The following LINGO2 variants were observed in gnomAD, a reference collection of about 807,000 sequenced individuals.
The protein encoded by LINGO2 is leucine-rich repeat and immunoglobulin-like domain-containing nogo receptor-interacting protein 2.
In LINGO2, 14 loss-of-function variants were observed where a neutral mutation model predicts 30.6. The ratio of observed to expected loss-of-function variants is 0.46; its 90% CI spans 0.30 to 0.72. LINGO2 has a LOEUF of 0.72. Among genes scored for constraint, LINGO2 ranks in the 30% least tolerant of loss-of-function variants. The pLI is 0.07. For synonymous variants in LINGO2, 317 were observed against 288.5 expected (o/e 1.10, Z -1.00); for missense variants, 729 against 751.7 (o/e 0.97, Z 0.35).
the LINGO2 span, among the ~76,000 whole-genome samples, chr9:28,807,756 G>A: frequency 3.1e-4 from 47 of 152,234 alleles, no homozygotes; most frequent in South Asian, 3.7e-3. Context: ...TAATCATTGT[G>A]TAAAATGATA....
intron 4 of LINGO2, among the ~76,000 whole-genome samples, chr9:28,167,484 G>A (rs537386646): frequency 6.6e-6 from 1 of 152,162 alleles, no homozygotes; most frequent in Non-Finnish European, 1.5e-5. Context: ...GGATTCAAGC[G>A]ATTCTCATGC....
At chr9:28,037,135 C>A (rs751014987) in intron 4 of LINGO2, among the ~76,000 whole-genome samples, 5 of 152,160 alleles carry the variant, frequency 3.3e-5, no homozygotes, top group African/African-American at 1.2e-4. Context: ...AGTAGGAAAA[C>A]GGAAGTATGG....
At chr9:28,238,770 G>C (rs913542474) in intron 4 of LINGO2, among the ~76,000 whole-genome samples, 1 of 151,686 alleles carries the variant, frequency 6.6e-6, no homozygotes, top group Non-Finnish European at 1.5e-5. Flanking sequence ...TCCAAAATTA[G>C]TAGAAGAAAT....
At chr9:28,643,369 A>T (rs1208796222) in intron 1 of LINGO2, among the ~76,000 whole-genome samples, 1 of 151,952 alleles carries the variant, frequency 6.6e-6, no homozygotes, top group Non-Finnish European at 1.5e-5. Flanking sequence ...AGAATAGAAG[A>T]CCCCAGAAAC....
At chr9:28,070,845 T>G (rs955248497) in intron 4 of LINGO2, among the ~76,000 whole-genome samples, 3 of 152,162 alleles carry the variant, frequency 2.0e-5, no homozygotes, top group African/African-American at 7.2e-5. Context: ...CCCAAGTAGC[T>G]GGGACTACAG....
the LINGO2 span, among the ~76,000 whole-genome samples, chr9:28,747,246 T>G: frequency 6.6e-6 from 1 of 151,488 alleles, no homozygotes; most frequent in East Asian, 1.9e-4. Context: ...CTGAGAGGAG[T>G]TTGGCTGGGG....
At chr9:28,550,820 C>G (rs549823798) in intron 1 of LINGO2, among the ~76,000 whole-genome samples, 1 of 151,830 alleles carries the variant, frequency 6.6e-6, no homozygotes, top group Non-Finnish European at 1.5e-5. Flanking sequence ...TTAAGAAATA[C>G]ATATAGCATG....
At chr9:28,506,503 G>GATAGAT (rs1380029523) in intron 1 of LINGO2, among the ~76,000 whole-genome samples, 41,266 of 82,806 alleles carry the variant, frequency 0.5, 13,231 homozygotes, top group South Asian at 0.65. Context: ...CACACACACA[G>GATAGAT]ACATATATAT....
the LINGO2 span, among the ~76,000 whole-genome samples, chr9:28,958,703 A>G: frequency 6.6e-6 from 1 of 151,906 alleles, no homozygotes; most frequent in Admixed American, 6.6e-5. Flanking sequence ...AAGAAAGGAG[A>G]GAAGAGGAGA....
rs531407801 is a variant in LINGO2, at chr9:28,028,229, G to A, written c.-86-15824C>T. Among the ~76,000 whole-genome samples the A allele has an allele frequency of 1.8e-3, 279 of 152,264 alleles. 1 individual carries two copies. Among genetic ancestry groups the A allele is most frequent in the Admixed American group, 3.5e-3 (54 of 15,288 alleles). On this transcript the variant is annotated intron_variant, in intron 4 of 5. Coordinates refer to ENST00000379992, the Ensembl canonical transcript of LINGO2. ...CATACCAAAGAGCTTATATTGAACAGAATTAGAAGGCTTCAGGTTGGTAGA... is the reference window on the plus strand; with the variant it reads ...CATACCAAAGAGCTTATATTGAACAAAATTAGAAGGCTTCAGGTTGGTAGA...
upstream of LINGO2, among the ~76,000 whole-genome samples, chr9:28,672,480 T>C (rs1162704026): frequency 6.6e-6 from 1 of 152,176 alleles, no homozygotes; most frequent in Non-Finnish European, 1.5e-5. Flanking sequence ...ATCAACAAGA[T>C]ATGTACACTG....
the LINGO2 span, among the ~76,000 whole-genome samples, chr9:28,830,718 C>G: frequency 6.6e-6 from 1 of 152,064 alleles, no homozygotes; most frequent in African/African-American, 2.4e-5. Flanking sequence ...TGACGTCTCC[C>G]CAAAACTACT....
the LINGO2 span, among the ~76,000 whole-genome samples, chr9:28,684,257 G>A: frequency 1.3e-4 from 16 of 119,178 alleles, no homozygotes; most frequent in Admixed American, 1.7e-3. Flanking sequence ...GTGAAATCTC[G>A]GCTCACTGCA....
intron 4 of LINGO2, among the ~76,000 whole-genome samples, chr9:28,041,716 T>C (rs547020690): frequency 7.2e-5 from 11 of 152,174 alleles, no homozygotes; most frequent in Admixed American, 1.3e-4. Flanking sequence ...CCCAGAGAAT[T>C]ATCAGTTCAG....
chr9:28,571,948 A>G (rs999913330), intron 1 of LINGO2, among the ~76,000 whole-genome samples: 3 of 152,070 alleles, frequency 2.0e-5, no homozygotes, highest in Admixed American at 6.6e-5. Flanking sequence ...GCAGGAAACT[A>G]TAAGATAGAG....
chr9:28,495,938 G>A (rs139926826), intron 1 of LINGO2, among the ~76,000 whole-genome samples: 3,850 of 152,114 alleles, frequency 0.025, 130 homozygotes, highest in East Asian at 0.098. Context: ...TTCAGGAGCA[G>A]GTTGTTCAGT....
chr9:28,491,079 G>A (rs1181358638), intron 1 of LINGO2, among the ~76,000 whole-genome samples: 1 of 152,234 alleles, frequency 6.6e-6, no homozygotes, highest in African/African-American at 2.4e-5. Flanking sequence ...GTATTGTAGT[G>A]TGTATGTTTC....
chr9:28,553,972 C>G (rs1359425255), intron 1 of LINGO2, among the ~76,000 whole-genome samples: 8 of 152,034 alleles, frequency 5.3e-5, no homozygotes, highest in African/African-American at 1.9e-4. Context: ...ACCACCAGGC[C>G]TGCCCTAAAA....
At chr9:29,206,447 C>T in the LINGO2 span, among the ~76,000 whole-genome samples, 1 of 152,166 alleles carries the variant, frequency 6.6e-6, no homozygotes, top group South Asian at 2.1e-4. Flanking sequence ...TGTCCCAACT[C>T]AGCAGCAAAG....
Sources: allele counts gnomAD v4.1 joint callset (sites outside exome capture counted in the v4.1 genomes callset), GRCh38; gene constraint gnomAD v4.1.1; transcripts MANE v1.5; gene names NCBI Gene and HGNC (gene_info 2026-07-23, HGNC 2026-07-21).